The following LSAMP variants were observed in gnomAD, a reference collection of about 807,000 sequenced individuals.
The protein encoded by LSAMP is limbic system associated membrane protein.
Under a neutral mutation model 38.6 loss-of-function variants are expected in LSAMP, and 7 were observed. The observed-to-expected ratio is 0.18, with a 90% CI of 0.10 to 0.34. The LOEUF (loss-of-function observed/expected upper bound fraction) is 0.34. Ranked by LOEUF, LSAMP falls within the 10% of genes least tolerant of loss-of-function variation. The pLI is 1.00. For missense variants in LSAMP, 313 were observed against 420.0 expected, an observed-to-expected ratio of 0.75 and a Z score of 2.23; for synonymous variants, 154 against 166.8, an observed-to-expected ratio of 0.92 and a Z score of 0.59.
At chr3:116,249,771 AC>A (rs1228963155) in intron 1 of LSAMP, among the ~76,000 whole-genome samples, 1 of 151,898 alleles carries the variant, frequency 6.6e-6, no homozygotes, top group Non-Finnish European at 1.5e-5. Flanking sequence ...TCAATAATAG[AC>A]CCCATTAGAT....
At chr3:116,373,799 G>A (rs1232185153) in intron 1 of LSAMP, among the ~76,000 whole-genome samples, 7 of 151,816 alleles carry the variant, frequency 4.6e-5, no homozygotes, top group Admixed American at 3.3e-4. Flanking sequence ...TGAGCAAATG[G>A]AAGGATCTGG....
intron 1 of LSAMP, among the ~76,000 whole-genome samples, chr3:116,287,430 C>G (rs2047209290): frequency 6.6e-6 from 1 of 152,148 alleles, no homozygotes; most frequent in South Asian, 2.1e-4. Flanking sequence ...TAATCAGGCT[C>G]TCATACAGTA....
intron 3 of LSAMP, among the ~76,000 whole-genome samples, chr3:115,871,076 T>C (rs1190855684): frequency 6.6e-6 from 1 of 152,108 alleles, no homozygotes; most frequent in African/African-American, 2.4e-5. Flanking sequence ...AACTAGAAAT[T>C]ATATTTGCAA....
At chr3:115,891,887 A>G (rs1307036197) in intron 3 of LSAMP, among the ~76,000 whole-genome samples, 1 of 151,984 alleles carries the variant, frequency 6.6e-6, no homozygotes, top group Admixed American at 6.6e-5. Context: ...GGTTCTGCAT[A>G]TAGTTAAGTA....
At chr3:116,197,416 A>G (rs1710918357) in intron 1 of LSAMP, among the ~76,000 whole-genome samples, 1 of 152,140 alleles carries the variant, frequency 6.6e-6, no homozygotes, top group African/African-American at 2.4e-5. Context: ...TAGTGCAGGC[A>G]ATCATGGTTT....
At position 116,439,271 on chromosome 3, in the gene LSAMP, A is replaced by G. The variant is rs367961864; in HGVS notation, c.155+5606T>C. On this transcript the variant is annotated intron_variant, in intron 1 of 6. Coordinates refer to ENST00000490035, the MANE Select transcript of LSAMP (RefSeq NM_002338.5). ...CGAATCGCTTGGAAGTCTTATTAAA[A>G]TGTGGACTTTGATTTAGTCCCTCCA... Among the ~76,000 whole-genome samples the G allele has an allele frequency of 5.3e-5, 8 of 151,438 alleles. No homozygotes were observed. The East Asian group carries it at 1.4e-3, about 26-fold the overall frequency.
chr3:116,163,866 TAAAA>T (rs549315827), intron 1 of LSAMP, among the ~76,000 whole-genome samples: 268 of 152,028 alleles, frequency 1.8e-3, no homozygotes, highest in Non-Finnish European at 3.0e-3. Context: ...GATTTTTCCT[TAAAA>T]AAACACAAAA....
intron 1 of LSAMP, among the ~76,000 whole-genome samples, chr3:116,177,099 A>G (rs561721532): frequency 1.3e-5 from 2 of 152,262 alleles, no homozygotes; most frequent in South Asian, 4.1e-4. Flanking sequence ...TTTCTAATGA[A>G]TGCTAGAAGT....
At chr3:116,359,448 T>G (rs2048272537) in intron 1 of LSAMP, among the ~76,000 whole-genome samples, 1 of 152,238 alleles carries the variant, frequency 6.6e-6, no homozygotes, top group South Asian at 2.1e-4. Context: ...ACCGACTGGA[T>G]GTCAGAAGCG....
intron 1 of LSAMP, among the ~76,000 whole-genome samples, chr3:116,442,487 T>C (rs749214054): frequency 2.6e-5 from 4 of 152,102 alleles, no homozygotes; most frequent in Non-Finnish European, 4.4e-5. Flanking sequence ...GCTGGCCTTA[T>C]AAGCAGAAAG....
chr3:115,910,457 T>A (rs987764175), intron 3 of LSAMP, among the ~76,000 whole-genome samples: 1 of 152,194 alleles, frequency 6.6e-6, no homozygotes, highest in Non-Finnish European at 1.5e-5. Flanking sequence ...TTTGATTTTT[T>A]AATTAAATTT....
chr3:115,817,917 T>C (rs958707265), intron 6 of LSAMP, among the ~76,000 whole-genome samples: 3 of 152,220 alleles, frequency 2.0e-5, no homozygotes, highest in African/African-American at 4.8e-5. Context: ...TACTGCCACT[T>C]GTTTCCTTTC....
chr3:115,871,191 A>G (rs1316675747), intron 3 of LSAMP, among the ~76,000 whole-genome samples: 2 of 152,148 alleles, frequency 1.3e-5, no homozygotes, highest in Admixed American at 1.3e-4. Context: ...TAGACCATAG[A>G]GAAAATGGCA....
At chr3:115,945,977 A>G (rs1232273004) in intron 3 of LSAMP, among the ~76,000 whole-genome samples, 1 of 152,196 alleles carries the variant, frequency 6.6e-6, no homozygotes, top group Non-Finnish European at 1.5e-5. Context: ...TTTTAAAGTC[A>G]AACTCTTAAA....
At chr3:116,395,085 T>C (rs1023024224) in intron 1 of LSAMP, among the ~76,000 whole-genome samples, 9 of 152,314 alleles carry the variant, frequency 5.9e-5, no homozygotes, top group African/African-American at 2.2e-4. Context: ...TATCATTCTA[T>C]TTGGGTTTTT....
intron 1 of LSAMP, among the ~76,000 whole-genome samples, chr3:116,220,921 G>A (rs1018699520): frequency 7.2e-5 from 11 of 152,104 alleles, no homozygotes; most frequent in Non-Finnish European, 1.3e-4. Context: ...TTGGGAGGCC[G>A]GGGCAGGCGG....
At chr3:116,030,217 C>T (rs1413548240) in intron 2 of LSAMP, among the ~76,000 whole-genome samples, 1 of 152,108 alleles carries the variant, frequency 6.6e-6, no homozygotes, top group Non-Finnish European at 1.5e-5. Flanking sequence ...AGCGAGTGTT[C>T]TAGTTCAGAA....
intron 1 of LSAMP, among the ~76,000 whole-genome samples, chr3:116,202,322 C>T (rs926697179): frequency 6.6e-5 from 10 of 151,904 alleles, no homozygotes; most frequent in African/African-American, 2.4e-4. Flanking sequence ...TTAGTAGAGA[C>T]GGGGTTTCAC....
chr3:116,037,380 G>A (rs1161858686), intron 2 of LSAMP, among the ~76,000 whole-genome samples: 1 of 152,114 alleles, frequency 6.6e-6, no homozygotes, highest in African/African-American at 2.4e-5. Context: ...GCCTACATAA[G>A]TAAGCAGTTA....
Sources: gnomAD v4.1 joint callset for allele counts (sites outside exome capture counted in the v4.1 genomes callset) on GRCh38, gnomAD v4.1.1 for gene constraint, MANE v1.5 for transcripts, NCBI Gene and HGNC (gene_info 2026-07-23, HGNC 2026-07-21) for gene names.